Variants in HSD17B4 observed in about 807,000 individuals in gnomAD.
The protein encoded by HSD17B4 is peroxisomal multifunctional enzyme type 2.
HSD17B4 carries 70 observed loss-of-function variants against 101.0 expected under a neutral mutation model. That is an observed-to-expected ratio of 0.69 (90% CI 0.57 to 0.85). HSD17B4 has a LOEUF of 0.85. HSD17B4 is among the 40% of genes least tolerant of loss of function. The pLI is 0.00. For synonymous variants in HSD17B4, 347 were observed against 297.1 expected (o/e 1.17, Z -1.73); for missense variants, 984 against 892.4 (o/e 1.10, Z -1.31).
intron 8 of HSD17B4, among the ~76,000 whole-genome samples, chr5:119,482,254 A>AT (rs576237313): frequency 2.3e-4 from 35 of 151,466 alleles, no homozygotes; most frequent in Middle Eastern, 3.4e-3. Context: ...AAGGTCACTG[A>AT]TTTTTTCTTC....
intron 14 of HSD17B4, among the ~76,000 whole-genome samples, chr5:119,502,849 A>G (rs1751296535): frequency 6.6e-6 from 1 of 152,144 alleles, no homozygotes; most frequent in Non-Finnish European, 1.5e-5. Flanking sequence ...TTTCAGTGTA[A>G]GTATTATAGC....
At chr5:119,466,148 C>G (rs534251808) in intron 2 of HSD17B4, among the ~76,000 whole-genome samples, 12 of 152,204 alleles carry the variant, frequency 7.9e-5, no homozygotes, top group Non-Finnish European at 1.3e-4. Flanking sequence ...CGTTACATCT[C>G]TGGCTAAATC....
intron 8 of HSD17B4, among the ~76,000 whole-genome samples, chr5:119,482,796 A>G (rs1554063427): frequency 6.6e-6 from 1 of 151,946 alleles, no homozygotes. Flanking sequence ...TGGAGTGGTA[A>G]GGTATTGGGG....
Position 119,524,366 on chromosome 5 carries a change from T to A in HSD17B4, c.1504-850T>A, listed in dbSNP as rs200334731. Among the ~76,000 whole-genome samples, 12 of 152,222 alleles carry A rather than the reference T, an allele frequency of 7.9e-5. No individual in the cohort carries two copies. The East Asian group carries it at 1.5e-3, about 20-fold the overall frequency. ...AAAAGTAATAAAAGATCAGTAATTT[T>A]AAAAAGATATGGCTAGTCTTTACAC... On this transcript the variant is annotated intron_variant, in intron 17 of 23. Coordinates refer to ENST00000510025, the MANE Select transcript of HSD17B4 (RefSeq NM_000414.4).
chr5:119,472,852 G>A (rs918207102), intron 2 of HSD17B4, among the ~76,000 whole-genome samples: 3 of 152,156 alleles, frequency 2.0e-5, no homozygotes, highest in East Asian at 1.9e-4. Context: ...TTTAGATACC[G>A]CACATAAGTG....
chr5:119,540,337 A>T (rs1257662393), intron 23 of HSD17B4, among the ~76,000 whole-genome samples: 1 of 147,166 alleles, frequency 6.8e-6, no homozygotes, highest in Non-Finnish European at 1.5e-5. Context: ...TGTCCGGTGC[A>T]TGGCAGTGCA....
Position 119,525,928 on chromosome 5 carries a change from C to T in HSD17B4, c.1585C>T (p.Pro529Ser), listed in dbSNP as rs1561485692. 2 of 1,600,810 alleles carry T rather than the reference C, an allele frequency of 1.2e-6. No individual in the cohort carries two copies. The highest frequency in any genetic ancestry group is 1.7e-6 in the Non-Finnish European group (2 of 1,168,224). Residue 529 changes from proline to serine, a missense_variant, in exon 19 of 24, where the codon CCC (proline) becomes TCC (serine). Pro to Ser is a moderately conservative substitution (Grantham distance 74). Transcript: ENST00000510025. ...NFASLAGFDK[P>S]ILHGLCTFGF... ...CTCTCTTTTCCTAGGTTTTGACAAG[C>T]CCATATTACATGGATTATGTACATT...
intron 20 of HSD17B4, 76 bp from the exon 21 acceptor site, chr5:119,529,818 C>A: frequency 1.1e-6 from 1 of 871,772 alleles, no homozygotes; most frequent in Non-Finnish European, 1.9e-6. Flanking sequence ...AAATTTTAAA[C>A]TTTGTACTGT....
rs1180190689 is a variant in HSD17B4 at position 119,506,876 on chromosome 5, GATT to G, written c.1326_1328del (p.Ile442del). ...TCCTAGATAAAGGATCCGGTGTAGT[GATT>G]ATTATGGATGGTAATTTATTTACAA... On this transcript the variant is annotated inframe_deletion, in exon 15 of 24. Coordinates refer to ENST00000510025, the MANE Select transcript of HSD17B4 (RefSeq NM_000414.4). 6.6e-7 allele frequency: 1 copy of G among 1,514,250 alleles called. No homozygotes were observed. Among genetic ancestry groups the G allele is most frequent in the Non-Finnish European group, 9.2e-7 (1 of 1,090,448 alleles). The allele number at this position is 1,514,250 out of a possible 1,614,324, so 93.8% of individuals were successfully genotyped here. A position where few individuals can be genotyped will look rare whatever the true frequency, so the allele number is the denominator to read the frequency against.
intron 2 of HSD17B4, among the ~76,000 whole-genome samples, chr5:119,473,273 CTT>C (rs11408993): frequency 5.4e-5 from 2 of 36,964 alleles, no homozygotes; most frequent in Non-Finnish European, 9.3e-5. Flanking sequence ...GTGGATGAAT[CTT>C]TTTTTTTTTT....
chr5:119,453,316 C>G (rs1754270579), intron 1 of HSD17B4, among the ~76,000 whole-genome samples: 1 of 152,328 alleles, frequency 6.6e-6, no homozygotes, highest in Non-Finnish European at 1.5e-5. Flanking sequence ...ATCTGAGGAA[C>G]TGGAGAGCAG....
intron 17 of HSD17B4, among the ~76,000 whole-genome samples, chr5:119,520,945 C>T (rs980161153): frequency 6.6e-6 from 1 of 152,056 alleles, no homozygotes; most frequent in South Asian, 2.1e-4. Context: ...ATTATTTTTA[C>T]TGTTTAGAGC....
chr5:119,492,728 A>C (rs1028311391), intron 10 of HSD17B4: 1 of 152,070 alleles, frequency 6.6e-6, no homozygotes, highest in Non-Finnish European at 1.5e-5. Context: ...TATTTAAATT[A>C]AATATTTTAA....
chr5:119,540,027 A>G (rs1450227009), intron 23 of HSD17B4, among the ~76,000 whole-genome samples: 1 of 151,858 alleles, frequency 6.6e-6, no homozygotes, highest in Non-Finnish European at 1.5e-5. Context: ...CAGGAGGCTT[A>G]GGCTGCAGTG....
chr5:119,482,438 C>T (rs1450960345), intron 8 of HSD17B4, among the ~76,000 whole-genome samples: 1 of 152,122 alleles, frequency 6.6e-6, no homozygotes, highest in Non-Finnish European at 1.5e-5. Context: ...CTCCAAATCT[C>T]TGCCATATAT....
intron 22 of HSD17B4, among the ~76,000 whole-genome samples, chr5:119,532,541 T>TGTTTATTTTTTGTATA (rs1370877852): frequency 6.6e-6 from 1 of 152,040 alleles, no homozygotes; most frequent in African/African-American, 2.4e-5. Context: ...TGGATAGTGA[T>TGTTTATTTTTTGTATA]GTTTATTTTT....
intron 16 of HSD17B4, among the ~76,000 whole-genome samples, chr5:119,509,853 A>G (rs181349959): frequency 2.6e-5 from 4 of 152,284 alleles, no homozygotes; most frequent in African/African-American, 7.2e-5. Flanking sequence ...AGCTCATTTT[A>G]TTGTAATAAT....
In HSD17B4 at chr5:119,475,274, A is replaced by G. The variant is rs139795596; in HGVS notation, c.281-432A>G. Among the ~76,000 whole-genome samples the G allele has an allele frequency of 2.6e-5, 4 of 152,108 alleles. No individual in the cohort carries two copies. In the East Asian group the frequency reaches 7.8e-4, roughly 30 times the overall value. On this transcript the variant is annotated intron_variant, in intron 4 of 23. Transcript: ENST00000510025. ...AAATAATTATGTATCAAGATAAGGC[A>G]TCAGTTTGTAACTCTAATGGTTTTC...
intron 6 of HSD17B4, chr5:119,476,599 T>G: frequency 1.0e-6 from 1 of 985,262 alleles, no homozygotes; most frequent in Middle Eastern, 5.2e-4. Context: ...AGAATTAAGC[T>G]AAGAAGAGCT....
Sources: gnomAD v4.1 joint callset for allele counts (sites outside exome capture counted in the v4.1 genomes callset) on GRCh38, gnomAD v4.1.1 for gene constraint, MANE v1.5 for transcripts, NCBI Gene and HGNC (gene_info 2026-07-23, HGNC 2026-07-21) for gene names.